The following IMMP2L variants were observed in gnomAD, a reference collection of about 807,000 sequenced individuals.
The protein encoded by IMMP2L is mitochondrial inner membrane protease subunit 2.
In IMMP2L, 18 loss-of-function variants were observed where a neutral mutation model predicts 19.3. The ratio of observed to expected loss-of-function variants is 0.93; its 90% CI spans 0.64 to 1.38. IMMP2L has a LOEUF of 1.38. IMMP2L is among the 40% of genes most tolerant of loss of function. The probability of loss-of-function intolerance (pLI) is 0.00; values close to 1 mark genes in which losing one functional copy is unlikely to be tolerated. For missense variants in IMMP2L, 233 were observed against 218.2 expected, an observed-to-expected ratio of 1.07 and a Z score of -0.43; for synonymous variants, 76 against 73.0, an observed-to-expected ratio of 1.04 and a Z score of -0.21.
At chr7:110,851,609 T>G (rs1223647784) in intron 5 of IMMP2L, among the ~76,000 whole-genome samples, 1 of 152,080 alleles carries the variant, frequency 6.6e-6, no homozygotes, top group African/African-American at 2.4e-5. Context: ...TTCCTTTTCC[T>G]AAATGTGAGG....
intron 3 of IMMP2L, among the ~76,000 whole-genome samples, chr7:111,320,358 G>A (rs1478506458): frequency 6.6e-6 from 1 of 151,722 alleles, no homozygotes; most frequent in East Asian, 1.9e-4. Context: ...GTTCACTCAT[G>A]CAACTATTCA....
At chr7:111,530,691 G>A (rs1364897394) in intron 1 of IMMP2L, among the ~76,000 whole-genome samples, 1 of 151,190 alleles carries the variant, frequency 6.6e-6, no homozygotes, top group African/African-American at 2.4e-5. Context: ...GATGAGAAAG[G>A]CTAAAAAGAA....
intron 3 of IMMP2L, among the ~76,000 whole-genome samples, chr7:111,379,886 T>C (rs868337948): frequency 6.6e-6 from 1 of 151,880 alleles, no homozygotes; most frequent in African/African-American, 2.4e-5. Flanking sequence ...ACAGATTTCA[T>C]ACATCCACGT....
chr7:111,116,887 A>G (rs914576445), intron 3 of IMMP2L, among the ~76,000 whole-genome samples: 8 of 152,172 alleles, frequency 5.3e-5, no homozygotes, highest in Non-Finnish European at 7.4e-5. Context: ...GAGAGAAAGT[A>G]GAACTTAGTG....
chr7:111,329,799 T>G (rs113926859), intron 3 of IMMP2L, among the ~76,000 whole-genome samples: 3 of 151,902 alleles, frequency 2.0e-5, no homozygotes, highest in Non-Finnish European at 4.4e-5. Context: ...TGCCATCCAG[T>G]AAAGAAACAA....
chr7:111,414,345 A>G (rs919610698), intron 3 of IMMP2L, among the ~76,000 whole-genome samples: 3 of 151,924 alleles, frequency 2.0e-5, no homozygotes, highest in Non-Finnish European at 4.4e-5. Context: ...TGATTTAAAA[A>G]ATCATAACCT....
intron 5 of IMMP2L, among the ~76,000 whole-genome samples, chr7:110,775,454 T>C (rs1402118942): frequency 6.6e-6 from 1 of 152,058 alleles, no homozygotes; most frequent in Non-Finnish European, 1.5e-5. Flanking sequence ...GAAGAGGGCA[T>C]TTGTATGAAG....
intron 3 of IMMP2L, among the ~76,000 whole-genome samples, chr7:111,051,476 T>A (rs1793002617): frequency 6.6e-6 from 1 of 152,220 alleles, no homozygotes; most frequent in Non-Finnish European, 1.5e-5. Context: ...ATCATCAGAA[T>A]ATATTTCTGA....
chr7:110,718,659 G>C (rs1362249240), intron 5 of IMMP2L, among the ~76,000 whole-genome samples: 3 of 152,118 alleles, frequency 2.0e-5, no homozygotes, highest in Non-Finnish European at 4.4e-5. Context: ...AAGCGCTTTA[G>C]CATTTGAACA....
chr7:110,977,771 C>T (rs1335581734), intron 3 of IMMP2L, among the ~76,000 whole-genome samples: 1 of 151,680 alleles, frequency 6.6e-6, no homozygotes, highest in Non-Finnish European at 1.5e-5. Context: ...TTCCTTAGAA[C>T]CTTCTTCATA....
intron 3 of IMMP2L, among the ~76,000 whole-genome samples, chr7:111,101,622 T>TA (rs1221236783): frequency 3.7e-4 from 56 of 151,670 alleles, no homozygotes; most frequent in African/African-American, 1.3e-3. Flanking sequence ...ATAGGTATAC[T>TA]GTCTTGTATA....
At chr7:110,744,074 G>A (rs1410526718) in intron 5 of IMMP2L, among the ~76,000 whole-genome samples, 7 of 152,140 alleles carry the variant, frequency 4.6e-5, no homozygotes, top group Non-Finnish European at 7.4e-5. Context: ...TTGGTGGGTG[G>A]TGGGGACTCC....
intron 3 of IMMP2L, among the ~76,000 whole-genome samples, chr7:111,446,352 G>A (rs1157242881): frequency 7.0e-6 from 1 of 142,250 alleles, no homozygotes; most frequent in East Asian, 1.9e-4. Context: ...GCACACAGCT[G>A]GAGATCTGAG....
chr7:111,301,419 G>T (rs1822228051), intron 3 of IMMP2L, among the ~76,000 whole-genome samples: 2 of 149,098 alleles, frequency 1.3e-5, no homozygotes. Flanking sequence ...CTGCAGCTTT[G>T]TCTTTCCATT....
intron 5 of IMMP2L, among the ~76,000 whole-genome samples, chr7:110,754,960 T>G (rs895958423): frequency 2.0e-5 from 3 of 151,966 alleles, no homozygotes; most frequent in Non-Finnish European, 4.4e-5. Context: ...AATTTTAATC[T>G]GACCGTCAGG....
At chr7:111,390,848 C>T (rs1305417905) in intron 3 of IMMP2L, 2 of 152,072 alleles carry the variant, frequency 1.3e-5, no homozygotes, top group African/African-American at 4.8e-5. Context: ...TTTAGTATCA[C>T]ATTTTAAAAC....
chr7:111,340,807 G>C (rs1292941396), intron 3 of IMMP2L, among the ~76,000 whole-genome samples: 2 of 152,032 alleles, frequency 1.3e-5, no homozygotes, highest in South Asian at 2.1e-4. Flanking sequence ...CCTGCACAAT[G>C]GTCAGTGAAA....
chr7:111,388,869 A>T (rs891271816), intron 3 of IMMP2L, among the ~76,000 whole-genome samples: 3 of 152,096 alleles, frequency 2.0e-5, no homozygotes, highest in Non-Finnish European at 4.4e-5. Context: ...GACACAGCCA[A>T]GCCATATCAA....
intron 5 of IMMP2L, among the ~76,000 whole-genome samples, chr7:110,825,768 T>C (rs962718796): frequency 2.0e-5 from 3 of 152,150 alleles, no homozygotes; most frequent in African/African-American, 4.8e-5. Flanking sequence ...ATTCAGGACA[T>C]AGGCATGGGC....
Sources: allele counts gnomAD v4.1 joint callset (sites outside exome capture counted in the v4.1 genomes callset), GRCh38; gene constraint gnomAD v4.1.1; transcripts MANE v1.5; gene names NCBI Gene and HGNC (gene_info 2026-07-23, HGNC 2026-07-21).